Variants in ELK3 observed in about 807,000 individuals in gnomAD.
ELK3 encodes the protein ETS domain-containing protein Elk-3.
In ELK3, 10 loss-of-function variants were observed where a neutral mutation model predicts 28.9. The ratio of observed to expected loss-of-function variants is 0.35; its 90% CI spans 0.21 to 0.59. The LOEUF (loss-of-function observed/expected upper bound fraction) is 0.59. ELK3 is among the 20% of genes least tolerant of loss of function. The probability of loss-of-function intolerance (pLI) is 0.82; values close to 1 mark genes in which losing one functional copy is unlikely to be tolerated. For missense variants in ELK3, 463 were observed against 517.3 expected (o/e 0.90, Z 1.02); for synonymous variants, 272 against 243.5 (o/e 1.12, Z -1.09).
At chr12:96,214,560 T>G (rs993978006) in intron 1 of ELK3, among the ~76,000 whole-genome samples, 1 of 152,206 alleles carries the variant, frequency 6.6e-6, no homozygotes, top group African/African-American at 2.4e-5. Flanking sequence ...TTTGTAGATA[T>G]TCACAGAATG....
chr12:96,197,539 T>G (rs1951479895), intron 1 of ELK3, among the ~76,000 whole-genome samples: 1 of 152,084 alleles, frequency 6.6e-6, no homozygotes, highest in Non-Finnish European at 1.5e-5. Context: ...ATTTTCTCTT[T>G]CTCTTTTTGG....
chr12:96,247,761 C>T lies in ELK3; in HGVS notation c.1002+27C>T. The T allele has an allele frequency of 1.3e-6, 2 of 1,492,926 alleles. No homozygotes were observed. Among genetic ancestry groups the T allele is most frequent in the East Asian group, 2.4e-5 (1 of 40,912 alleles). 92.5% of individuals were successfully genotyped at this position (1,492,926 alleles called of 1,614,324 possible). A position where few individuals can be genotyped will look rare whatever the true frequency, so the allele number is the denominator to read the frequency against. On this transcript the variant is annotated intron_variant, in intron 3 of 4. Transcript: ENST00000228741. The surrounding 1 kb of genome is among the most constrained non-coding windows in gnomAD (Gnocchi z 5.5). ...TAAGAGTCATTCCTGTCATCTAAGC[C>T]ACAGCCAGCTTCAGTGGCTTAGCAA...
At chr12:96,256,246 G>A in intron 3 of ELK3, among the ~76,000 whole-genome samples, 1 of 152,202 alleles carries the variant, frequency 6.6e-6, no homozygotes. Flanking sequence ...CTCCTCCAGA[G>A]GCTATGTCCG....
At chr12:96,204,169 G>GT (rs3216593) in intron 1 of ELK3, among the ~76,000 whole-genome samples, 206 of 148,278 alleles carry the variant, frequency 1.4e-3, no homozygotes, top group African/African-American at 2.4e-3. Flanking sequence ...TCAATGTAAA[G>GT]TTTTTTTTTT....
chr12:96,256,270 T>C (rs1424181243), intron 3 of ELK3, among the ~76,000 whole-genome samples: 1 of 152,172 alleles, frequency 6.6e-6, no homozygotes, highest in Non-Finnish European at 1.5e-5. Flanking sequence ...CTTGCAGTTA[T>C]CGGAAGGCAT....
Position 96,216,063 on chromosome 12 carries a change from C to T in ELK3, c.-2-7502C>T, listed in dbSNP as rs551617721. 1.8e-4 allele frequency among the ~76,000 whole-genome samples: 27 copies of T among 152,338 alleles called. 1 individual carries two copies. In the East Asian group the frequency reaches 3.3e-3, roughly 19 times the overall value. The stretch of plus-strand genomic sequence containing the variant: ...TGCCAGAGGTCAAGCGTTTTACTCT[C>T]GGCCTCTCTACTCTGTGTCTTTTGC... On this transcript the variant is annotated intron_variant, in intron 1 of 4. Coordinates refer to ENST00000228741, the MANE Select transcript of ELK3 (RefSeq NM_005230.4).
rs556118660 is a variant in ELK3 at position 96,206,454 on chromosome 12, C to A, written c.-3+11749C>A. 5.9e-5 allele frequency among the ~76,000 whole-genome samples: 9 copies of A among 152,142 alleles called. No individual in the cohort carries two copies. In the East Asian group the frequency reaches 1.7e-3, roughly 29 times the overall value. ...GCCTCAGCCTCCCAAGCAGCTGGAACTATAGGTGTGCGCCACCATGCCCAG... is the reference window on the plus strand; with the variant it reads ...GCCTCAGCCTCCCAAGCAGCTGGAAATATAGGTGTGCGCCACCATGCCCAG... On this transcript the variant is annotated intron_variant, in intron 1 of 4. Coordinates refer to ENST00000228741, the MANE Select transcript of ELK3 (RefSeq NM_005230.4).
At chr12:96,219,560 A>G (rs1204506444) in intron 1 of ELK3, among the ~76,000 whole-genome samples, 1 of 152,242 alleles carries the variant, frequency 6.6e-6, no homozygotes, top group East Asian at 1.9e-4. Flanking sequence ...GAACGAAAAC[A>G]ATATGGAGAG....
chr12:96,223,497 CCT>C lies in ELK3; in HGVS notation c.-2-62_-2-61del, dbSNP rs368070443. 7.0e-4 allele frequency: 1,067 copies of C among 1,530,104 alleles called. 9 individuals are homozygous for C. In the African/African-American group the frequency reaches 0.012, roughly 17 times the overall value. 94.8% of individuals were successfully genotyped at this position (1,530,104 alleles called of 1,614,324 possible). On this transcript the variant is annotated intron_variant, in intron 1 of 4. Coordinates refer to ENST00000228741, the MANE Select transcript of ELK3 (RefSeq NM_005230.4). ...AGCTGAGTTGCCCATTCTGAAGCCC[CCT>C]CTCTCCTCGCCAAGTTTGGTCGGCA...
At chr12:96,206,311 T>TTTTA (rs1309244912) in intron 1 of ELK3, among the ~76,000 whole-genome samples, 1 of 152,052 alleles carries the variant, frequency 6.6e-6, no homozygotes. Context: ...TCTCTTTCCC[T>TTTTA]TTTATTTATT....
At chr12:96,237,097 C>G (rs7978130) in intron 2 of ELK3, among the ~76,000 whole-genome samples, 102,872 of 152,172 alleles carry the variant, frequency 0.68, 36,176 homozygotes, top group East Asian at 1. Flanking sequence ...ATGATTCTGT[C>G]TCGACATCTT....
intron 1 of ELK3, among the ~76,000 whole-genome samples, chr12:96,213,299 T>C (rs1951589344): frequency 6.6e-6 from 1 of 152,202 alleles, no homozygotes; most frequent in Non-Finnish European, 1.5e-5. Flanking sequence ...CCACCTCTTC[T>C]TCTCTAAGCC....
At chr12:96,232,004 G>A (rs903749245) in intron 2 of ELK3, among the ~76,000 whole-genome samples, 9 of 152,196 alleles carry the variant, frequency 5.9e-5, no homozygotes, top group Admixed American at 5.9e-4. Flanking sequence ...AGCAGGGAGG[G>A]ATGTAGAGGC....
At chr12:96,197,860 T>C (rs949542777) in intron 1 of ELK3, among the ~76,000 whole-genome samples, 1 of 152,246 alleles carries the variant, frequency 6.6e-6, no homozygotes, top group Non-Finnish European at 1.5e-5. Context: ...TATATTAAAA[T>C]TTATATTTGT....
At chr12:96,220,491 T>C (rs1592676149) in intron 1 of ELK3, among the ~76,000 whole-genome samples, 2 of 149,940 alleles carry the variant, frequency 1.3e-5, no homozygotes, top group Non-Finnish European at 3.0e-5. Flanking sequence ...GGGTTCAAGC[T>C]ATTCTCCTGC....
intron 2 of ELK3, among the ~76,000 whole-genome samples, chr12:96,227,281 A>G (rs909407400): frequency 1.3e-5 from 2 of 151,828 alleles, no homozygotes; most frequent in African/African-American, 2.4e-5. Context: ...ACATTCATCC[A>G]GAGCCTTTCA....
At chr12:96,203,443 C>T (rs1185433357) in intron 1 of ELK3, among the ~76,000 whole-genome samples, 1 of 152,176 alleles carries the variant, frequency 6.6e-6, no homozygotes, top group African/African-American at 2.4e-5. Flanking sequence ...TTTTTCTCAT[C>T]CTTTGTATTA....
At chr12:96,259,352 G>A (rs547282168) in intron 3 of ELK3, among the ~76,000 whole-genome samples, 1 of 152,270 alleles carries the variant, frequency 6.6e-6, no homozygotes, top group Admixed American at 6.5e-5. Flanking sequence ...AGGAGTTCGA[G>A]ACCAGCCTGG....
chr12:96,264,179 C>T (rs1233530527), intron 4 of ELK3, among the ~76,000 whole-genome samples: 1 of 152,074 alleles, frequency 6.6e-6, no homozygotes, highest in Non-Finnish European at 1.5e-5. Context: ...GAAACGAGGT[C>T]TCACTATATT....
Sources: allele counts gnomAD v4.1 joint callset (sites outside exome capture counted in the v4.1 genomes callset), GRCh38; gene constraint gnomAD v4.1.1; non-coding constraint Gnocchi (gnomAD v3.1); transcripts MANE v1.5; gene names NCBI Gene and HGNC (gene_info 2026-07-23, HGNC 2026-07-21).